ARHGAP10: variants seen among roughly 807,000 people sequenced by gnomAD.
ARHGAP10 encodes rho GTPase-activating protein 10.
A neutral mutation model predicts 108.6 loss-of-function variants in ARHGAP10; 87 were observed. The ratio of observed to expected loss-of-function variants is 0.80; its 90% confidence interval spans 0.67 to 0.96. ARHGAP10 has a LOEUF of 0.96. Ranked by LOEUF, ARHGAP10 falls within the 40% of genes least tolerant of loss-of-function variation. The pLI, the probability that ARHGAP10 is intolerant of heterozygous loss-of-function variation, is 0.00. For synonymous variants in ARHGAP10, 347 were observed against 341.1 expected, an observed-to-expected ratio of 1.02 and a Z score of -0.19; for missense variants, 939 against 954.5, an observed-to-expected ratio of 0.98 and a Z score of 0.21.
chr4:147,884,276 C>A (rs1038765274), intron 10 of ARHGAP10, among the ~76,000 whole-genome samples: 1 of 152,178 alleles, frequency 6.6e-6, no homozygotes, highest in African/African-American at 2.4e-5. Flanking sequence ...CTCTCCACCC[C>A]TCAAAGACAT....
At chr4:147,844,073 C>T (rs190706461) in intron 3 of ARHGAP10, among the ~76,000 whole-genome samples, 8 of 152,270 alleles carry the variant, frequency 5.3e-5, no homozygotes, top group East Asian at 1.9e-4. Flanking sequence ...AGATCTTGGG[C>T]GTTTCTCAGC....
rs139426902 is a variant in ARHGAP10 at position 148,050,524 on chromosome 4, C to T, written c.2027+3473C>T. 8.0e-3 allele frequency among the ~76,000 whole-genome samples: 1,213 copies of T among 152,058 alleles called. 13 individuals are homozygous for T. The highest frequency in any genetic ancestry group is 0.028 in the African/African-American group (1,160 of 41,474). ...GAGTGGCTGGTTCTACAGGCGCCCACCACCACGCCTGGCTAATTTTTTGTG... is the reference window on the plus strand; with the variant it reads ...GAGTGGCTGGTTCTACAGGCGCCCATCACCACGCCTGGCTAATTTTTTGTG... On this transcript the variant is annotated intron_variant, in intron 20 of 22. Coordinates refer to ENST00000336498, the MANE Select transcript of ARHGAP10 (RefSeq NM_024605.4).
At chr4:147,914,171 A>G (rs1309228949) in intron 13 of ARHGAP10, among the ~76,000 whole-genome samples, 4 of 152,200 alleles carry the variant, frequency 2.6e-5, no homozygotes, top group African/African-American at 9.7e-5. Context: ...AATCCGCTTT[A>G]TTGAGGTATA....
Position 147,763,315 on chromosome 4 carries a change from G to GTTT in ARHGAP10, c.154+30875_154+30877dup, listed in dbSNP as rs771156855. ...GTGTTTGTAGTAGGAGTAGATAATA[G>GTTT]TTTTTTTTTTTTTTTTTGAGACAGT... On this transcript the variant is annotated intron_variant, in intron 1 of 22. Transcript: ENST00000336498. 1.2e-4 allele frequency among the ~76,000 whole-genome samples: 17 copies of GTTT among 138,924 alleles called. 1 individual carries two copies. Among genetic ancestry groups the GTTT allele is most frequent in the African/African-American group, 3.2e-4 (12 of 37,878 alleles). The allele number at this position is 138,924 out of a possible 152,430, so 91.1% of individuals were successfully genotyped here.
At chr4:147,760,196 A>G (rs989078856) in intron 1 of ARHGAP10, among the ~76,000 whole-genome samples, 4 of 152,062 alleles carry the variant, frequency 2.6e-5, no homozygotes, top group African/African-American at 9.7e-5. Context: ...GATAATACGC[A>G]GTATCTACAC....
At chr4:147,873,869 T>C (rs1297131261) in intron 7 of ARHGAP10, among the ~76,000 whole-genome samples, 2 of 138,214 alleles carry the variant, frequency 1.4e-5, no homozygotes, top group African/African-American at 6.2e-5. Flanking sequence ...AGTGAGACCC[T>C]GTCTTTAAAA....
chr4:147,883,545 AGTT>A (rs1735421481), intron 10 of ARHGAP10, among the ~76,000 whole-genome samples: 1 of 152,168 alleles, frequency 6.6e-6, no homozygotes, highest in South Asian at 2.1e-4. Flanking sequence ...TCTCTCAGGT[AGTT>A]GTTACTGTTT....
intron 1 of ARHGAP10, among the ~76,000 whole-genome samples, chr4:147,786,118 G>C (rs1214468896): frequency 1.3e-5 from 2 of 152,168 alleles, no homozygotes; most frequent in African/African-American, 4.8e-5. Flanking sequence ...GACAGGGGGA[G>C]ACCCTGGGCT....
intron 7 of ARHGAP10, among the ~76,000 whole-genome samples, chr4:147,871,185 C>G (rs1052267115): frequency 2.0e-5 from 3 of 152,116 alleles, no homozygotes; most frequent in African/African-American, 7.2e-5. Flanking sequence ...GTCTCGATCT[C>G]CTGATCTCGT....
rs1450842915 is a variant in ARHGAP10, at chr4:147,823,555, C to G, written c.312+598C>G. 2.6e-5 allele frequency among the ~76,000 whole-genome samples: 4 copies of G among 151,960 alleles called. No individual in the cohort carries two copies. In the East Asian group the frequency reaches 7.7e-4, roughly 29 times the overall value. On this transcript the variant is annotated intron_variant, in intron 3 of 22. Coordinates refer to ENST00000336498, the MANE Select transcript of ARHGAP10 (RefSeq NM_024605.4). Reference sequence around the variant, plus strand: ...GGTGGATTGCACAAGCTCAGGAGTTCGAGACCAGCCTGGCCCACATGGTGA... The same window carrying G: ...GGTGGATTGCACAAGCTCAGGAGTTGGAGACCAGCCTGGCCCACATGGTGA...
Position 148,072,227 on chromosome 4 carries a change from T to TGGGGGGGGG in ARHGAP10, c.*152_*153insGGGGGGGGG. ...CCATCATCACAGTCAGCCCTGGGGG[T>TGGGGGGGGG]GGGGGGTGGTGGGCAGGGATGGGAC... is the stretch of plus-strand genomic sequence containing the variant. On this transcript the variant is annotated 3_prime_UTR_variant, in exon 23 of 23. Coordinates refer to ENST00000336498, the MANE Select transcript of ARHGAP10 (RefSeq NM_024605.4). 2 of 339,654 alleles carry TGGGGGGGGG rather than the reference T, an allele frequency of 5.9e-6. No individual in the cohort carries two copies. The highest frequency in any genetic ancestry group is 5.5e-6 in the Non-Finnish European group (1 of 180,348). 21.0% of individuals were successfully genotyped at this position (339,654 alleles called of 1,614,324 possible). A position where few individuals can be genotyped will look rare whatever the true frequency, so the allele number is the denominator to read the frequency against.
intron 1 of ARHGAP10, among the ~76,000 whole-genome samples, chr4:147,743,284 C>T (rs937408800): frequency 3.4e-4 from 52 of 152,226 alleles, no homozygotes; most frequent in Admixed American, 3.1e-3. Context: ...CCACCCGCCT[C>T]AGCCTCAAAG....
At chr4:147,875,911 A>G (rs1735040350) in intron 8 of ARHGAP10, among the ~76,000 whole-genome samples, 1 of 152,224 alleles carries the variant, frequency 6.6e-6, no homozygotes, top group African/African-American at 2.4e-5. Flanking sequence ...GTACAACCCA[A>G]TTGCTAGTTA....
intron 13 of ARHGAP10, 55 bp from the exon 14 acceptor site, chr4:147,939,769 TG>T: frequency 1.4e-6 from 2 of 1,458,326 alleles, no homozygotes; most frequent in Non-Finnish European, 1.9e-6. Flanking sequence ...AACTGTTTGA[TG>T]GCTTTTAAAA....
chr4:147,836,085 T>A (rs1733159162), intron 3 of ARHGAP10, among the ~76,000 whole-genome samples: 1 of 152,238 alleles, frequency 6.6e-6, no homozygotes, highest in Non-Finnish European at 1.5e-5. Context: ...TTAAATAATC[T>A]GAATAAAATT....
chr4:147,855,725 A>G (rs1017763301), intron 4 of ARHGAP10, among the ~76,000 whole-genome samples: 2 of 142,352 alleles, frequency 1.4e-5, no homozygotes, highest in Middle Eastern at 3.4e-3. Context: ...GCTAGTTGGT[A>G]ATTAACCTTG....
intron 18 of ARHGAP10, among the ~76,000 whole-genome samples, chr4:148,001,817 AGAT>A (rs1245151785): frequency 1.3e-5 from 2 of 152,310 alleles, no homozygotes; most frequent in East Asian, 3.9e-4. Flanking sequence ...TTTTGGGCTG[AGAT>A]GATGGGGTTT....
intron 1 of ARHGAP10, among the ~76,000 whole-genome samples, chr4:147,782,919 A>T (rs1346255440): frequency 1.4e-5 from 2 of 143,022 alleles, no homozygotes; most frequent in South Asian, 2.1e-4. Flanking sequence ...TAATATATAA[A>T]TTATATAATA....
chr4:147,865,521 G>T (rs928065357), intron 6 of ARHGAP10: 5 of 152,340 alleles, frequency 3.3e-5, no homozygotes, highest in African/African-American at 1.2e-4. Context: ...TATATATGAA[G>T]ATGTATGCAC....
Sources: allele counts gnomAD v4.1 joint callset (sites outside exome capture counted in the v4.1 genomes callset), GRCh38; gene constraint gnomAD v4.1.1; transcripts MANE v1.5; gene names NCBI Gene and HGNC (gene_info 2026-07-23, HGNC 2026-07-21).